The following TLN2 variants were observed in gnomAD, a reference collection of about 807,000 sequenced individuals.
The protein encoded by TLN2 is talin-2.
TLN2 carries 118 observed loss-of-function variants against 294.7 expected under a neutral mutation model. The observed-to-expected ratio is 0.40, with a 90% CI of 0.34 to 0.47. TLN2 has a LOEUF of 0.47. TLN2 is among the 20% of genes least tolerant of loss of function. The pLI is 0.84. For missense variants in TLN2, 3,083 were observed against 3,282.2 expected, an observed-to-expected ratio of 0.94 and a Z score of 1.48; for synonymous variants, 1,431 against 1,304.5, an observed-to-expected ratio of 1.10 and a Z score of -2.09.
intron 3 of TLN2, among the ~76,000 whole-genome samples, chr15:62,623,036 A>G (rs77495195): frequency 0.032 from 4,911 of 152,328 alleles, 102 homozygotes; most frequent in East Asian, 0.063. Flanking sequence ...AGGGTGATCA[A>G]CGTGGCCTCC....
At chr15:62,526,064 A>T (rs1049970472) in intron 1 of TLN2, among the ~76,000 whole-genome samples, 7 of 152,114 alleles carry the variant, frequency 4.6e-5, no homozygotes, top group African/African-American at 1.4e-4. Context: ...TATATTTATT[A>T]TTTTTTCTTA....
intron 46 of TLN2, 34 bp from the exon 47 acceptor site, chr15:62,796,093 C>G (rs2065457280): frequency 6.2e-7 from 1 of 1,607,590 alleles, no homozygotes; most frequent in Non-Finnish European, 8.5e-7. Flanking sequence ...CTCTCCATTT[C>G]TTAGCTCCCC....
At chr15:62,492,947 C>T (rs574067743) in intron 1 of TLN2, among the ~76,000 whole-genome samples, 15 of 152,320 alleles carry the variant, frequency 9.8e-5, no homozygotes, top group African/African-American at 3.4e-4. Context: ...ACTCTTCCTG[C>T]TGTCACTGAC....
In TLN2 at chr15:62,621,885, C is replaced by G. The variant is rs117371586; in HGVS notation, c.-37+3410C>G. 8.2e-3 allele frequency among the ~76,000 whole-genome samples: 1,249 copies of G among 152,266 alleles called. 9 individuals carry two copies. The highest frequency in any genetic ancestry group is 0.016 in the South Asian group (77 of 4,814). ...TTGCTAGCTAATTCTACCAAAGGGTCCTCCCAACACAGATGGCCTCAGGAC... is the reference window on the plus strand; with the variant it reads ...TTGCTAGCTAATTCTACCAAAGGGTGCTCCCAACACAGATGGCCTCAGGAC... On this transcript the variant is annotated intron_variant, in intron 3 of 58. Transcript: ENST00000636159.
chr15:62,590,708 G>T (rs74712155), intron 2 of TLN2, among the ~76,000 whole-genome samples: 2 of 152,090 alleles, frequency 1.3e-5, no homozygotes, highest in Non-Finnish European at 2.9e-5. Flanking sequence ...GTCCTGGGGG[G>T]GTTGTGTGAT....
chr15:62,703,896 G>A (rs572614055), intron 19 of TLN2, among the ~76,000 whole-genome samples: 10 of 152,300 alleles, frequency 6.6e-5, no homozygotes, highest in East Asian at 3.9e-4. Flanking sequence ...AGGGTGGGGC[G>A]CAGAGGCCTG....
chr15:62,797,509 T>C (rs2065583985), intron 48 of TLN2, 107 bp downstream of exon 48: 1 of 1,254,480 alleles, frequency 8.0e-7, no homozygotes, highest in Admixed American at 2.9e-5. Context: ...AAGTAGACAA[T>C]GTGTGTGTGA....
chr15:62,761,597 TC>T, intron 37 of TLN2, 83 bp from the exon 38 acceptor site: 4 of 1,578,776 alleles, frequency 2.5e-6, no homozygotes, highest in Non-Finnish European at 3.5e-6. Context: ...TGAACCACCT[TC>T]TTTCACTAAG....
Position 62,763,713 on chromosome 15 carries a change from G to A in TLN2, c.5094+18G>A. The A allele has an allele frequency of 2.5e-6, 4 of 1,590,996 alleles. No homozygotes were observed. Among genetic ancestry groups the A allele is most frequent in the Middle Eastern group, 1.7e-4 (1 of 6,008 alleles). ...CTGTGGAGGTAAGCTGGGAATCTGG[G>A]GGCCTGCTTAGTCGCCTCTAGATAT... On this transcript the variant is annotated intron_variant, in intron 40 of 58. Coordinates refer to ENST00000636159, the MANE Select transcript of TLN2 (RefSeq NM_015059.3).
chr15:62,729,362 CA>C (rs1160342562), intron 28 of TLN2, among the ~76,000 whole-genome samples: 5 of 152,166 alleles, frequency 3.3e-5, no homozygotes, highest in Non-Finnish European at 7.3e-5. Flanking sequence ...ATCAGCTTGT[CA>C]ATTCCTACAA....
intron 1 of TLN2, among the ~76,000 whole-genome samples, chr15:62,401,223 G>T (rs552922433): frequency 6.6e-6 from 1 of 152,118 alleles, no homozygotes; most frequent in Non-Finnish European, 1.5e-5. Flanking sequence ...CCTTCTCACT[G>T]ATCTCCTAGT....
At chr15:62,559,634 T>C (rs1349037019) in intron 1 of TLN2, among the ~76,000 whole-genome samples, 1 of 152,186 alleles carries the variant, frequency 6.6e-6, no homozygotes, top group Non-Finnish European at 1.5e-5. Flanking sequence ...ACCTGACATA[T>C]ACTGAGTGCT....
intron 3 of TLN2, among the ~76,000 whole-genome samples, chr15:62,629,142 A>G (rs768478282): frequency 6.6e-6 from 1 of 152,210 alleles, no homozygotes; most frequent in African/African-American, 2.4e-5. Flanking sequence ...GCAGTGAGCC[A>G]TGATCACGCC....
intron 2 of TLN2, among the ~76,000 whole-genome samples, chr15:62,612,859 CT>C (rs1244191193): frequency 6.6e-6 from 1 of 152,176 alleles, no homozygotes; most frequent in Admixed American, 6.5e-5. Flanking sequence ...GCAAAAAGAT[CT>C]TCCAGGCTTT....
intron 35 of TLN2, 98 bp downstream of exon 35, chr15:62,752,525 A>G: frequency 1.3e-6 from 2 of 1,514,446 alleles, no homozygotes; most frequent in Non-Finnish European, 1.8e-6. Context: ...AAGTACCACC[A>G]CAGAAACCAT....
At chr15:62,706,424 GCT>G (rs1482553442) in intron 19 of TLN2, among the ~76,000 whole-genome samples, 1 of 152,184 alleles carries the variant, frequency 6.6e-6, no homozygotes, top group African/African-American at 2.4e-5. Flanking sequence ...ATTTATATAG[GCT>G]CTCTTTCTGC....
intron 42 of TLN2, among the ~76,000 whole-genome samples, chr15:62,773,275 G>GC (rs1307965726): frequency 1.2e-5 from 1 of 85,904 alleles, no homozygotes; most frequent in African/African-American, 4.7e-5. Context: ...TGTGTTCCCA[G>GC]CCATAGAGCA....
chr15:62,510,253 A>G (rs907132582), intron 1 of TLN2, among the ~76,000 whole-genome samples: 1 of 152,078 alleles, frequency 6.6e-6, no homozygotes, highest in African/African-American at 2.4e-5. Flanking sequence ...CATTTTCCTC[A>G]GGGGCCCTGG....
intron 33 of TLN2, among the ~76,000 whole-genome samples, chr15:62,750,101 AAT>A (rs1240218001): frequency 6.6e-6 from 1 of 152,136 alleles, no homozygotes; most frequent in East Asian, 1.9e-4. Context: ...TTAATGTTCT[AAT>A]ATGTTTTAAA....
Sources: gnomAD v4.1 joint callset for allele counts (sites outside exome capture counted in the v4.1 genomes callset) on GRCh38, gnomAD v4.1.1 for gene constraint, MANE v1.5 for transcripts, NCBI Gene and HGNC (gene_info 2026-07-23, HGNC 2026-07-21) for gene names.